The following OR1S1 variants were observed in gnomAD, a reference collection of about 807,000 sequenced individuals.
OR1S1 encodes the protein olfactory receptor family 1 subfamily S member 1.
For missense variants in OR1S1, 411 were observed against 367.5 expected (o/e 1.12, Z -0.97); for synonymous variants, 156 against 143.9 (o/e 1.08, Z -0.60).
rs570418875 is a variant in OR1S1, at chr11:58,213,806, C to T, written c.-55-923C>T. Among the ~76,000 whole-genome samples, 221 of 152,268 alleles carry T rather than the reference C, an allele frequency of 1.5e-3. 1 individual carries two copies. The highest frequency in any genetic ancestry group is 2.8e-3 in the Non-Finnish European group (192 of 67,994). On this transcript the variant is annotated intron_variant, in intron 1 of 1. Coordinates refer to ENST00000641544, the Ensembl canonical transcript of OR1S1. Reference sequence around the variant, plus strand: ...ACTGCCTCATTATGCGGTTCCCTGACAAGGGCAATGAATTATGTCCCTGAT... The same window carrying T: ...ACTGCCTCATTATGCGGTTCCCTGATAAGGGCAATGAATTATGTCCCTGAT...
chr11:58,215,994 G>GA, exon 2 of OR1S1: 2 of 428,000 alleles, frequency 4.7e-6, no homozygotes, highest in Non-Finnish European at 4.2e-6. Context: ...GAATGGAGGT[G>GA]ATGAGTTGTT....
rs149752818 is a variant in OR1S1 at position 58,215,252 on chromosome 11, C to G, written c.469C>G (p.Leu157Val). The change falls in exon 2 of 2, where the codon CTG (leucine) becomes GTG (valine). Residue 157 changes from leucine (L) to valine (V), a missense_variant. Physicochemically the swap from Leu to Val is conservative, Grantham distance 32. Coordinates refer to ENST00000641544, the Ensembl canonical transcript of OR1S1. The stretch of plus-strand genomic sequence containing the variant: ...ATGGTTCCTCAGTAATATTATTGCT[C>G]TGACACACACCCTTCTGCTCATTCA... 10 of 1,613,764 alleles carry G rather than the reference C, an allele frequency of 6.2e-6. No homozygotes were observed. Among genetic ancestry groups the G allele is most frequent in the Non-Finnish European group, 8.5e-6 (10 of 1,179,960 alleles).
At chr11:58,213,522 G>T (rs1854979527) in intron 1 of OR1S1, among the ~76,000 whole-genome samples, 1 of 152,204 alleles carries the variant, frequency 6.6e-6, no homozygotes, top group Admixed American at 6.5e-5. Flanking sequence ...GTGGAAAGGT[G>T]GGAGCATATG....
At chr11:58,215,509 C>G in exon 2 of OR1S1, 5 of 1,614,134 alleles carry the variant, frequency 3.1e-6, no homozygotes, top group Non-Finnish European at 4.2e-6. Flanking sequence ...CCACTTGTGG[C>G]TCTCACCTGA....
At chr11:58,212,872 G>A (rs895066381) in intron 1 of OR1S1, 35 bp downstream of exon 1, 16 of 152,306 alleles carry the variant, frequency 1.1e-4, no homozygotes. Flanking sequence ...GCAGAGATCA[G>A]AGATTGTCAC....
At chr11:58,215,353 A>T in exon 2 of OR1S1, 1 of 1,613,658 alleles carries the variant, frequency 6.2e-7, no homozygotes, top group Non-Finnish European at 8.5e-7. Flanking sequence ...TGTCCTGTTC[A>T]GATACATTGA....
chr11:58,214,233 G>A (rs544232016), intron 1 of OR1S1, among the ~76,000 whole-genome samples: 8 of 152,268 alleles, frequency 5.3e-5, no homozygotes, highest in South Asian at 2.1e-4. Context: ...TTCTCCAAAA[G>A]CACTTGTTTT....
chr11:58,215,937 C>A (rs1852934711), exon 2 of OR1S1: 1 of 569,502 alleles, frequency 1.8e-6, no homozygotes. Flanking sequence ...AACACGCATC[C>A]TTAGAGAGTA....
At chr11:58,215,086 G>A (rs1852913182) in exon 2 of OR1S1, 38 of 1,614,150 alleles carry the variant, frequency 2.4e-5, no homozygotes, top group Non-Finnish European at 3.2e-5. Context: ...TCACACAGAT[G>A]TACTTTTCTA....
chr11:58,215,082 A>C (rs1852913111), exon 2 of OR1S1: 1 of 1,614,030 alleles, frequency 6.2e-7, no homozygotes, highest in African/African-American at 1.3e-5. Flanking sequence ...TGCATCACAC[A>C]GATGTACTTT....
chr11:58,213,065 G>A (rs577791232), intron 1 of OR1S1, among the ~76,000 whole-genome samples: 4 of 152,260 alleles, frequency 2.6e-5, no homozygotes, highest in Admixed American at 6.5e-5. Flanking sequence ...AGCATTTCAG[G>A]AGGAAAGAGA....
chr11:58,215,447 A>G, exon 2 of OR1S1: 2 of 1,614,188 alleles, frequency 1.2e-6, no homozygotes, highest in Non-Finnish European at 1.7e-6. Context: ...TGTCTGCATC[A>G]TCAGAGCTGT....
chr11:58,215,647 C>T (rs1238120871), exon 2 of OR1S1: 1 of 1,613,990 alleles, frequency 6.2e-7, no homozygotes, highest in Non-Finnish European at 8.5e-7. Flanking sequence ...TAAACCCCTT[C>T]ATCTACAGCT....
exon 2 of OR1S1, chr11:58,215,469 C>G (rs755350175): frequency 6.2e-7 from 1 of 1,614,190 alleles, no homozygotes; most frequent in South Asian, 1.1e-5. Flanking sequence ...CTGAGAGTAT[C>G]TTCCACACAG....
exon 2 of OR1S1, chr11:58,215,163 G>C: frequency 1.9e-6 from 3 of 1,614,082 alleles, no homozygotes; most frequent in Non-Finnish European, 2.5e-6. Flanking sequence ...GTGGCGATCT[G>C]CCACCCTCTG....
chr11:58,216,050 A>T (rs1852937471), exon 2 of OR1S1: 2 of 246,272 alleles, frequency 8.1e-6, no homozygotes, highest in Admixed American at 9.8e-5. Flanking sequence ...AATAAGACCT[A>T]TTGTTTGATA....
rs571452632 is a variant in OR1S1 at position 58,215,159 on chromosome 11, A to G, written c.376A>G (p.Ile126Val). 24 of 1,614,108 alleles carry G rather than the reference A, an allele frequency of 1.5e-5. No individual in the cohort carries two copies. The South Asian group carries it at 2.5e-4, about 17-fold the overall frequency. ...CATGGCCTATGACCACTTTGTGGCGATCTGCCACCCTCTGAATTATACAAT... is the reference window on the plus strand; with the variant it reads ...CATGGCCTATGACCACTTTGTGGCGGTCTGCCACCCTCTGAATTATACAAT... The change falls in exon 2 of 2, where the codon ATC becomes GTC. Residue 126 changes from isoleucine to valine, a missense_variant. Ile to Val is a conservative substitution (Grantham distance 29). Transcript: ENST00000641544.
At chr11:58,215,622 T>A in exon 2 of OR1S1, 2 of 1,614,134 alleles carry the variant, frequency 1.2e-6, no homozygotes, top group Non-Finnish European at 1.7e-6. Context: ...CTATTCACTG[T>A]GGTGACACCC....
At position 58,215,576 on chromosome 11, in the gene OR1S1, A is replaced by G. The variant is rs139636164; in HGVS notation, c.793A>G (p.Thr265Ala). 50 of 1,613,454 alleles carry G rather than the reference A, an allele frequency of 3.1e-5. No individual in the cohort carries two copies. The highest frequency in any genetic ancestry group is 3.7e-5 in the Non-Finnish European group (44 of 1,179,914). The change falls in exon 2 of 2, where the codon ACT becomes GCT. Residue 265 changes from threonine to alanine, a missense_variant. Coordinates refer to ENST00000641544, the Ensembl canonical transcript of OR1S1. ...AGGCGTGTACTTTTTCCCCTCCTCC[A>G]CTCACCCTGAGGACACTGATAAGAT...
Sources: allele counts gnomAD v4.1 joint callset (sites outside exome capture counted in the v4.1 genomes callset), GRCh38; gene constraint gnomAD v4.1.1; transcripts MANE v1.5; gene names NCBI Gene and HGNC (gene_info 2026-07-23, HGNC 2026-07-21).